The following PRKAR1A variants were observed in gnomAD, a reference collection of about 807,000 sequenced individuals.
The protein encoded by PRKAR1A is cAMP-dependent protein kinase type I-alpha regulatory subunit.
A neutral mutation model predicts 52.0 loss-of-function variants in PRKAR1A; 3 were observed. The observed-to-expected ratio is 0.06, with a 90% CI of 0.03 to 0.15. PRKAR1A has a LOEUF of 0.15. Among genes scored for constraint, PRKAR1A ranks in the 10% least tolerant of loss-of-function variants. PRKAR1A has a pLI of 1.00. For missense variants in PRKAR1A, 240 were observed against 477.4 expected (o/e 0.50, Z 4.63); for synonymous variants, 188 against 168.4 (o/e 1.12, Z -0.90).
the PRKAR1A span, among the ~76,000 whole-genome samples, chr17:68,502,242 A>G: frequency 6.6e-6 from 1 of 152,186 alleles, no homozygotes; most frequent in Non-Finnish European, 1.5e-5. Flanking sequence ...CAGCTATAAG[A>G]CAATTTAAAC....
the PRKAR1A span, among the ~76,000 whole-genome samples, chr17:68,446,547 C>A: frequency 6.6e-6 from 1 of 152,300 alleles, no homozygotes; most frequent in South Asian, 2.1e-4. Context: ...TAAAAAAATT[C>A]TAACAGGTTC....
chr17:68,469,603 CTT>C, the PRKAR1A span, among the ~76,000 whole-genome samples: 1 of 147,112 alleles, frequency 6.8e-6, no homozygotes. Flanking sequence ...CATGAATGTC[CTT>C]TTTTTTTTTC....
At chr17:68,511,686 G>A (rs1281740451), upstream of PRKAR1A, 3 of 152,260 alleles carry the variant, frequency 2.0e-5, no homozygotes, top group Non-Finnish European at 4.4e-5. Flanking sequence ...GGCCCCAGCG[G>A]AGACTCGGCA....
the PRKAR1A span, among the ~76,000 whole-genome samples, chr17:68,473,664 A>G: frequency 6.6e-6 from 1 of 152,136 alleles, no homozygotes; most frequent in Non-Finnish European, 1.5e-5. Flanking sequence ...CTCGGACTAC[A>G]GGCGTGCGCC....
At chr17:68,486,506 C>CTTCCTTCCTTCCCTCTTTCT in the PRKAR1A span, among the ~76,000 whole-genome samples, 15 of 48,258 alleles carry the variant, frequency 3.1e-4, no homozygotes, top group South Asian at 8.3e-4. Flanking sequence ...TCCTTCCTTC[C>CTTCCTTCCTTCCCTCTTTCT]TTCTTTCTTT....
intron 11 of PRKAR1A, chr17:68,542,103 CACAG>C: frequency 1.9e-6 from 3 of 1,614,084 alleles, no homozygotes; most frequent in Non-Finnish European, 2.5e-6. Flanking sequence ...TGTGGGTTGC[CACAG>C]ACAGCATACT....
At chr17:68,507,672 C>T (rs887320605), upstream of PRKAR1A, among the ~76,000 whole-genome samples, 1 of 152,006 alleles carries the variant, frequency 6.6e-6, no homozygotes, top group Non-Finnish European at 1.5e-5. Context: ...AACATACATA[C>T]ATCTGAAAAA....
At chr17:68,510,270 G>A (rs144678957), upstream of PRKAR1A, among the ~76,000 whole-genome samples, 713 of 151,972 alleles carry the variant, frequency 4.7e-3, 17 homozygotes, top group East Asian at 0.013. Context: ...GTGGCCATGG[G>A]CAAGTCACTT....
the PRKAR1A span, among the ~76,000 whole-genome samples, chr17:68,423,950 G>A: frequency 1.3e-5 from 2 of 152,222 alleles, no homozygotes; most frequent in African/African-American, 4.8e-5. This position sits in a 1 kb window ranked among gnomAD's most constrained non-coding sequence, Gnocchi z 4.4. Context: ...AACCTAGTGA[G>A]TGTCTGGATG....
upstream of PRKAR1A, chr17:68,512,411 C>A (rs941458695): frequency 6.5e-6 from 1 of 152,964 alleles, no homozygotes; most frequent in South Asian, 2.1e-4. Context: ...TGATTGGCTG[C>A]GGCCAGGCCG....
At chr17:68,527,726 C>T (rs2085835220) in intron 7 of PRKAR1A, 114 bp from the exon 8 acceptor site, 1 of 894,278 alleles carries the variant, frequency 1.1e-6, no homozygotes, top group Non-Finnish European at 1.8e-6. Context: ...AAGCAACAAG[C>T]TTTGACTTTC....
At chr17:68,455,148 G>T in the PRKAR1A span, among the ~76,000 whole-genome samples, 19 of 152,160 alleles carry the variant, frequency 1.2e-4, no homozygotes, top group African/African-American at 4.3e-4. Flanking sequence ...GATCACTTGA[G>T]GTCAGGAGTT....
chr17:68,485,672 T>A, the PRKAR1A span, among the ~76,000 whole-genome samples: 1 of 152,186 alleles, frequency 6.6e-6, no homozygotes, highest in Non-Finnish European at 1.5e-5. Flanking sequence ...TTGCGAGGCA[T>A]AAAGAATTAC....
the PRKAR1A span, among the ~76,000 whole-genome samples, chr17:68,473,513 T>A: frequency 1.3e-5 from 2 of 152,014 alleles, no homozygotes; most frequent in Non-Finnish European, 2.9e-5. Flanking sequence ...TGACCTATTT[T>A]ATTATTTATT....
chr17:68,539,764 A>C, intron 11 of PRKAR1A: 1 of 896,494 alleles, frequency 1.1e-6, no homozygotes, highest in Admixed American at 2.0e-5. Flanking sequence ...GGCTCGAAGG[A>C]GACAAGGCAC....
At chr17:68,539,474 C>T (rs1352050029) in intron 11 of PRKAR1A, 2 of 1,329,378 alleles carry the variant, frequency 1.5e-6, no homozygotes, top group Non-Finnish European at 2.2e-6. Context: ...CTCCTCTCAG[C>T]ATTTTGTGAA....
chr17:68,461,882 G>A, the PRKAR1A span, among the ~76,000 whole-genome samples: 1 of 152,156 alleles, frequency 6.6e-6, no homozygotes, highest in Non-Finnish European at 1.5e-5. The surrounding 1 kb of genome is among the most constrained non-coding windows in gnomAD (Gnocchi z 4.6). Flanking sequence ...CGAACTGATT[G>A]GCAAGCAGGA....
chr17:68,474,953 T>TA, the PRKAR1A span, among the ~76,000 whole-genome samples: 11 of 152,130 alleles, frequency 7.2e-5, no homozygotes, highest in East Asian at 3.9e-4. Flanking sequence ...AAGTAAATTT[T>TA]AAAAAAAATG....
the PRKAR1A span, chr17:68,421,667 G>A: frequency 6.6e-7 from 1 of 1,511,278 alleles, no homozygotes; most frequent in Admixed American, 1.7e-5. Context: ...CGGGATTCCT[G>A]CCCCCCTTTC....
Sources: gnomAD v4.1 joint callset for allele counts (sites outside exome capture counted in the v4.1 genomes callset) on GRCh38, gnomAD v4.1.1 for gene constraint, Gnocchi (gnomAD v3.1) non-coding constraint, MANE v1.5 for transcripts, NCBI Gene and HGNC (gene_info 2026-07-23, HGNC 2026-07-21) for gene names.